Variants in RAB3C observed in about 807,000 individuals in gnomAD.
RAB3C encodes the protein ras-related protein Rab-3C.
RAB3C carries 17 observed loss-of-function variants against 26.4 expected under a neutral mutation model. The ratio of observed to expected loss-of-function variants is 0.64; its 90% confidence interval spans 0.44 to 0.97. The LOEUF is 0.97. RAB3C is among the 50% of genes least tolerant of loss of function. The probability of loss-of-function intolerance (pLI) is 0.00; values close to 1 mark genes in which losing one functional copy is unlikely to be tolerated. For synonymous variants in RAB3C, 91 were observed against 95.9 expected (o/e 0.95, Z 0.30); for missense variants, 242 against 281.9 (o/e 0.86, Z 1.01).
At chr5:58,630,418 A>G (rs1297223226) in intron 2 of RAB3C, among the ~76,000 whole-genome samples, 1 of 152,200 alleles carries the variant, frequency 6.6e-6, no homozygotes, top group Non-Finnish European at 1.5e-5. Flanking sequence ...GAAAATTAAA[A>G]ATATTTATTT....
At chr5:58,719,999 C>A (rs533187195) in intron 2 of RAB3C, among the ~76,000 whole-genome samples, 13 of 152,004 alleles carry the variant, frequency 8.6e-5, no homozygotes, top group Admixed American at 2.6e-4. Context: ...AATAAAGTCA[C>A]CTTCATAGGT....
chr5:58,758,784 C>G (rs557198535), intron 3 of RAB3C, among the ~76,000 whole-genome samples: 14 of 152,076 alleles, frequency 9.2e-5, no homozygotes, highest in Non-Finnish European at 1.9e-4. Flanking sequence ...AAAATGAAAT[C>G]TGGAAGGATC....
rs952692293 is a variant in RAB3C at position 58,663,508 on chromosome 5, A to G, written c.252+45638A>G. 8.6e-5 allele frequency among the ~76,000 whole-genome samples: 13 copies of G among 150,400 alleles called. 1 individual carries two copies. The highest frequency in any genetic ancestry group is 3.0e-4 in the African/African-American group (12 of 39,734). On this transcript the variant is annotated intron_variant, in intron 2 of 4. Coordinates refer to ENST00000282878, the MANE Select transcript of RAB3C (RefSeq NM_138453.4). ...TTACTCCTAAGAATTTCAAGTTTAAAATATTAAAATGTAACTAAATTCATT... is the reference window on the plus strand; with the variant it reads ...TTACTCCTAAGAATTTCAAGTTTAAGATATTAAAATGTAACTAAATTCATT...
chr5:58,605,968 C>T (rs1746558361), intron 1 of RAB3C, among the ~76,000 whole-genome samples: 1 of 152,182 alleles, frequency 6.6e-6, no homozygotes, highest in Non-Finnish European at 1.5e-5. Flanking sequence ...TGGTCTGCAG[C>T]TCCCAGCATG....
chr5:58,649,761 A>G (rs916761762), intron 2 of RAB3C, among the ~76,000 whole-genome samples: 1 of 152,102 alleles, frequency 6.6e-6, no homozygotes, highest in Non-Finnish European at 1.5e-5. Context: ...CCTCATCGAA[A>G]TCTGGGTGAC....
rs1371893566 is a variant in RAB3C at position 58,858,206 on chromosome 5, G to A, written c.*6855G>A. The A allele has an allele frequency of 6.6e-6, 1 of 152,188 alleles. No individual in the cohort carries two copies. Among genetic ancestry groups the A allele is most frequent in the African/African-American group, 2.4e-5 (1 of 41,444 alleles). 9.4% of individuals were successfully genotyped at this position (152,188 alleles called of 1,614,324 possible). A position where few individuals can be genotyped will look rare whatever the true frequency, so the allele number is the denominator to read the frequency against. The stretch of plus-strand genomic sequence containing the variant: ...TGGATTTGGTCTATGTGGGTGATAT[G>A]TGGCCTGAATGTAACTGTGATAGAC... On this transcript the variant is annotated 3_prime_UTR_variant, in exon 5 of 5. Coordinates refer to ENST00000282878, the MANE Select transcript of RAB3C (RefSeq NM_138453.4).
At chr5:58,613,534 A>G (rs1746759891) in intron 1 of RAB3C, among the ~76,000 whole-genome samples, 1 of 152,174 alleles carries the variant, frequency 6.6e-6, no homozygotes, top group African/African-American at 2.4e-5. Flanking sequence ...TTGTAAATCA[A>G]AGCAAACAAG....
intron 3 of RAB3C, among the ~76,000 whole-genome samples, chr5:58,806,585 G>C (rs184932621): frequency 6.6e-6 from 1 of 152,250 alleles, no homozygotes; most frequent in African/African-American, 2.4e-5. Flanking sequence ...CACTATGGAC[G>C]TTTGTTGGGA....
intron 3 of RAB3C, among the ~76,000 whole-genome samples, chr5:58,782,394 G>A (rs1742291416): frequency 6.6e-6 from 1 of 152,056 alleles, no homozygotes; most frequent in African/African-American, 2.4e-5. Context: ...TTTTCTCTTA[G>A]GTTGTCCTCC....
chr5:58,851,089 GAAA>G (rs1744103585), intron 4 of RAB3C, 72 bp from the exon 5 acceptor site: 1 of 1,418,724 alleles, frequency 7.0e-7, no homozygotes, highest in African/African-American at 1.4e-5. Flanking sequence ...CATCACTATT[GAAA>G]GCCATAATCA....
chr5:58,604,474 T>A (rs1472973171), intron 1 of RAB3C, among the ~76,000 whole-genome samples: 4 of 151,960 alleles, frequency 2.6e-5, no homozygotes, highest in Admixed American at 1.3e-4. Flanking sequence ...TCTCTTTGAG[T>A]GGGTCTTGCT....
chr5:58,589,924 G>A (rs146746139), intron 1 of RAB3C, among the ~76,000 whole-genome samples: 1 of 152,292 alleles, frequency 6.6e-6, no homozygotes, highest in Non-Finnish European at 1.5e-5. Flanking sequence ...GTGTGTCAAG[G>A]AAGCAGGGAC....
At chr5:58,807,371 G>A (rs181504527) in intron 3 of RAB3C, among the ~76,000 whole-genome samples, 20 of 152,312 alleles carry the variant, frequency 1.3e-4, no homozygotes, top group African/African-American at 4.8e-4. Context: ...ATGGATATAT[G>A]TTGTGAGCTC....
At chr5:58,827,137 T>G (rs943027026) in intron 4 of RAB3C, among the ~76,000 whole-genome samples, 7 of 141,858 alleles carry the variant, frequency 4.9e-5, no homozygotes, top group Admixed American at 7.0e-5. Context: ...TCTGAAAAAA[T>G]GATAATTTTT....
rs5868129 is a variant in RAB3C, at chr5:58,754,885, CT to C, written c.371+28775del. On this transcript the variant is annotated intron_variant, in intron 3 of 4. Transcript: ENST00000282878. ...GCTACATCTAAATCTCCTTATTCTC[CT>C]TTTTTTTTTCTTCTGCACAAATCAA... is the stretch of plus-strand genomic sequence containing the variant. Among the ~76,000 whole-genome samples the C allele has an allele frequency of 1.3e-4, 20 of 149,592 alleles. No homozygotes were observed. In the East Asian group the frequency reaches 1.6e-3, roughly 12 times the overall value.
At position 58,810,209 on chromosome 5, in the gene RAB3C, G is replaced by A. The variant is rs577704840; in HGVS notation, c.372-14829G>A. On this transcript the variant is annotated intron_variant, in intron 3 of 4. Coordinates refer to ENST00000282878, the MANE Select transcript of RAB3C (RefSeq NM_138453.4). Reference sequence around the variant, plus strand: ...CAGAAACCAGCTGGCAAGGCAGCCAGGAAAACACAGACTGCAAGGATCAGC... The same window carrying A: ...CAGAAACCAGCTGGCAAGGCAGCCAAGAAAACACAGACTGCAAGGATCAGC... Among the ~76,000 whole-genome samples the A allele has an allele frequency of 4.6e-5, 7 of 152,262 alleles. No individual in the cohort carries two copies. In the East Asian group the frequency reaches 1.2e-3, roughly 25 times the overall value.
intron 2 of RAB3C, among the ~76,000 whole-genome samples, chr5:58,716,022 A>G (rs1749163313): frequency 6.9e-6 from 1 of 144,992 alleles, no homozygotes; most frequent in African/African-American, 2.6e-5. Context: ...TATAACTTAA[A>G]GTACAATAAA....
chr5:58,819,880 G>C (rs1394976936), intron 3 of RAB3C, among the ~76,000 whole-genome samples: 1 of 152,078 alleles, frequency 6.6e-6, no homozygotes, highest in Non-Finnish European at 1.5e-5. Context: ...AAAAAACTGT[G>C]ACATTGAGAT....
intron 2 of RAB3C, among the ~76,000 whole-genome samples, chr5:58,632,192 A>G (rs1305858715): frequency 6.6e-6 from 1 of 152,246 alleles, no homozygotes; most frequent in Non-Finnish European, 1.5e-5. Context: ...TGTAGAAACT[A>G]GAAGCCTGGG....
Sources: allele counts gnomAD v4.1 joint callset (sites outside exome capture counted in the v4.1 genomes callset), GRCh38; gene constraint gnomAD v4.1.1; transcripts MANE v1.5; gene names NCBI Gene and HGNC (gene_info 2026-07-23, HGNC 2026-07-21).